Variants in CPA5 observed in about 807,000 individuals in gnomAD.
CPA5 encodes the protein testicular tissue protein Li 32.
In CPA5, 38 loss-of-function variants were observed where a neutral mutation model predicts 52.2. The ratio of observed to expected loss-of-function variants is 0.73; its 90% CI spans 0.56 to 0.95. The LOEUF is 0.95. CPA5 is among the 40% of genes least tolerant of loss of function. The probability of loss-of-function intolerance (pLI) is 0.00; values close to 1 mark genes in which losing one functional copy is unlikely to be tolerated. For synonymous variants in CPA5, 198 were observed against 213.7 expected, an observed-to-expected ratio of 0.93 and a Z score of 0.64; for missense variants, 519 against 566.7, an observed-to-expected ratio of 0.92 and a Z score of 0.86.
Position 130,362,481 on chromosome 7 carries a change from C to A in CPA5, c.578C>A (p.Thr193Asn), listed in dbSNP as rs151214001. 61 of 1,613,790 alleles carry A rather than the reference C, an allele frequency of 3.8e-5. 1 individual carries two copies. In the Middle Eastern group the frequency reaches 8.2e-4, roughly 22 times the overall value. ...GSRHPAIWIDTGIHSREWITH... is the reference protein window; with the variant it reads ...GSRHPAIWIDNGIHSREWITH... ...CGGCACCCAGCCATCTGGATTGACACTGGAATTCACTCCCGGGAGTGGATC... is the reference window on the plus strand; with the variant it reads ...CGGCACCCAGCCATCTGGATTGACAATGGAATTCACTCCCGGGAGTGGATC... The change falls in exon 8 of 13, where the codon ACT becomes AAT. Residue 193 changes from threonine (T) to asparagine (N), a missense_variant. Transcript: ENST00000474905.
chr7:130,363,140 G>A, intron 9 of CPA5, 146 bp downstream of exon 9: 1 of 618,656 alleles, frequency 1.6e-6, no homozygotes, highest in Non-Finnish European at 2.9e-6. Context: ...TACTGCACCT[G>A]CAGCCTCTTG....
intron 4 of CPA5, among the ~76,000 whole-genome samples, chr7:130,348,205 A>G (rs1018543663): frequency 6.6e-6 from 1 of 152,188 alleles, no homozygotes; most frequent in Non-Finnish European, 1.5e-5. Flanking sequence ...GAGGTTGGAT[A>G]CATTGGCCTC....
At chr7:130,364,728 G>A (rs1795980720) in intron 10 of CPA5, among the ~76,000 whole-genome samples, 1 of 152,234 alleles carries the variant, frequency 6.6e-6, no homozygotes, top group African/African-American at 2.4e-5. Context: ...CTGCAGAGCT[G>A]GCTGATCCCA....
intron 5 of CPA5, among the ~76,000 whole-genome samples, chr7:130,354,683 G>A (rs1351516818): frequency 6.6e-6 from 1 of 152,086 alleles, no homozygotes; most frequent in East Asian, 1.9e-4. Context: ...CAAAGTGCAG[G>A]GATCATAGGC....
intron 5 of CPA5, among the ~76,000 whole-genome samples, chr7:130,358,041 C>T (rs1330254538): frequency 2.0e-5 from 3 of 150,728 alleles, no homozygotes; most frequent in Non-Finnish European, 4.4e-5. Context: ...TACAGTGGTA[C>T]GATCATAACT....
chr7:130,351,804 C>T (rs1474027988), intron 5 of CPA5, among the ~76,000 whole-genome samples: 1 of 152,180 alleles, frequency 6.6e-6, no homozygotes, highest in Non-Finnish European at 1.5e-5. Flanking sequence ...CGATTGTCTC[C>T]CTGTCCTCTG....
intron 9 of CPA5, among the ~76,000 whole-genome samples, 181 bp from the exon 10 acceptor site, chr7:130,363,238 C>T (rs1272889952): frequency 6.6e-6 from 1 of 152,206 alleles, no homozygotes; most frequent in Non-Finnish European, 1.5e-5. Context: ...TTCAACTGCA[C>T]AGTATCTGAG....
At chr7:130,360,961 T>G (rs1795757678) in intron 6 of CPA5, among the ~76,000 whole-genome samples, 182 bp from the exon 7 acceptor site, 1 of 152,214 alleles carries the variant, frequency 6.6e-6, no homozygotes, top group Admixed American at 6.5e-5. Flanking sequence ...CTCACTTCCT[T>G]TAGCTCTGAG....
chr7:130,373,719 G>A (rs1351790009), downstream of CPA5, among the ~76,000 whole-genome samples: 1 of 152,238 alleles, frequency 6.6e-6, no homozygotes, highest in Non-Finnish European at 1.5e-5. Flanking sequence ...AAAACAAGAA[G>A]GCCCAGGCAG....
At position 130,346,439 on chromosome 7, in the gene CPA5, C is replaced by A; in HGVS notation, c.-47C>A. ...GTGCTGTGCTGTCCTGAGGCCTGGGCCATGGTGCCCAAGGAAAGCCCCTGA... is the reference window on the plus strand; with the variant it reads ...GTGCTGTGCTGTCCTGAGGCCTGGGACATGGTGCCCAAGGAAAGCCCCTGA... On this transcript the variant is annotated 5_prime_UTR_variant, in exon 3 of 13. Transcript: ENST00000474905. 1 of 1,420,364 alleles carries A rather than the reference C, an allele frequency of 7.0e-7. No homozygotes were observed. The allele number at this position is 1,420,364 out of a possible 1,614,324, so 88.0% of individuals were successfully genotyped here. A position where few individuals can be genotyped will look rare whatever the true frequency, so the allele number is the denominator to read the frequency against.
downstream of CPA5, among the ~76,000 whole-genome samples, chr7:130,370,674 C>T (rs1163033649): frequency 3.3e-5 from 5 of 152,288 alleles, no homozygotes; most frequent in East Asian, 7.7e-4. Flanking sequence ...GTTTGTCAAA[C>T]TCCAAAACCA....
chr7:130,346,664 C>G (rs1160805601), intron 3 of CPA5, 63 bp downstream of exon 3: 2 of 1,379,842 alleles, frequency 1.4e-6, no homozygotes, highest in East Asian at 2.3e-5. Flanking sequence ...GGTGTCCCAG[C>G]AGGAGGTGGC....
chr7:130,363,630 A>G (rs1795917218), intron 10 of CPA5, 121 bp downstream of exon 10: 1 of 797,324 alleles, frequency 1.3e-6, no homozygotes, highest in Non-Finnish European at 2.1e-6. Context: ...GTAGTCAGCT[A>G]ATATGCATGA....
chr7:130,347,640 G>A lies in CPA5; in HGVS notation c.117-126G>A, dbSNP rs572291535. ...GGGCTCCTTCAGCCTCCACTCATGC[G>A]GTGCCTCCTGGCCTCCCCGCCTGGC... On this transcript the variant is annotated intron_variant, in intron 3 of 12. Coordinates refer to ENST00000474905, the MANE Select transcript of CPA5 (RefSeq NM_080385.5). 9.8e-5 allele frequency: 70 copies of A among 711,354 alleles called. No homozygotes were observed. The Admixed American group carries it at 1.5e-3, about 15-fold the overall frequency. 44.1% of individuals were successfully genotyped at this position (711,354 alleles called of 1,614,324 possible). A position where few individuals can be genotyped will look rare whatever the true frequency, so the allele number is the denominator to read the frequency against.
chr7:130,360,576 A>T (rs1382120549), intron 6 of CPA5, among the ~76,000 whole-genome samples: 1 of 152,254 alleles, frequency 6.6e-6, no homozygotes, highest in Non-Finnish European at 1.5e-5. Context: ...TTCCCACTTC[A>T]CAAGTCATGC....
rs202223869 is a variant in CPA5, at chr7:130,368,429, C to T, written c.1143C>T (p.Thr381=). The change falls in exon 13 of 13, where the codon ACC becomes ACT. Residue 381 remains threonine (T), a synonymous_variant. Transcript: ENST00000474905. ...STTLYVASGI[T]VDWAYDSGIK... is the part of the protein sequence containing the mutation. Reference sequence around the variant, plus strand: ...TTCTAGATGTGGCCAGTGGGATCACCGTCGACTGGGCCTATGACAGTGGCA... The same window carrying T: ...TTCTAGATGTGGCCAGTGGGATCACTGTCGACTGGGCCTATGACAGTGGCA... 187 of 1,614,006 alleles carry T rather than the reference C, an allele frequency of 1.2e-4. No individual in the cohort carries two copies. The South Asian group carries it at 1.7e-3, about 15-fold the overall frequency.
chr7:130,368,334 C>T, intron 12 of CPA5, 76 bp from the exon 13 acceptor site: 1 of 1,452,628 alleles, frequency 6.9e-7, no homozygotes. Context: ...CACTTTCCAC[C>T]CAGGATGCCT....
chr7:130,349,883 C>A, intron 4 of CPA5, 92 bp from the exon 5 acceptor site: 1 of 1,437,404 alleles, frequency 7.0e-7, no homozygotes, highest in Non-Finnish European at 9.4e-7. Flanking sequence ...TCTCTACTGG[C>A]TGAGAGATTC....
chr7:130,349,397 G>A (rs905413625), intron 4 of CPA5, among the ~76,000 whole-genome samples: 1 of 152,068 alleles, frequency 6.6e-6, no homozygotes, highest in Non-Finnish European at 1.5e-5. Context: ...TCATGCCATT[G>A]CACCCCAGCC....
Sources: allele counts gnomAD v4.1 joint callset (sites outside exome capture counted in the v4.1 genomes callset), GRCh38; gene constraint gnomAD v4.1.1; transcripts MANE v1.5; gene names NCBI Gene and HGNC (gene_info 2026-07-23, HGNC 2026-07-21).